The following SLAIN2 variants were observed in gnomAD, a reference collection of about 807,000 sequenced individuals.
The protein encoded by SLAIN2 is SLAIN motif-containing protein 2.
A neutral mutation model predicts 56.6 loss-of-function variants in SLAIN2; 31 were observed. The ratio of observed to expected loss-of-function variants is 0.55; its 90% CI spans 0.41 to 0.74. The LOEUF is 0.74. Among genes scored for constraint, SLAIN2 ranks in the 30% least tolerant of loss-of-function variants. The pLI is 0.00. For missense variants in SLAIN2, 777 were observed against 754.2 expected (o/e 1.03, Z -0.35); for synonymous variants, 317 against 284.9 (o/e 1.11, Z -1.13).
At chr4:48,355,540 T>C (rs1715135274) in intron 1 of SLAIN2, among the ~76,000 whole-genome samples, 1 of 152,112 alleles carries the variant, frequency 6.6e-6, no homozygotes. Flanking sequence ...AGTTCAGGAA[T>C]CCTCACATAC....
At chr4:48,363,794 G>A (rs1374190111) in intron 1 of SLAIN2, among the ~76,000 whole-genome samples, 2 of 138,870 alleles carry the variant, frequency 1.4e-5, no homozygotes, top group African/African-American at 2.6e-5. Flanking sequence ...CCGGGTGGGG[G>A]GGCTGACCCC....
At chr4:48,402,200 A>AT (rs34736334) in intron 6 of SLAIN2, among the ~76,000 whole-genome samples, 75,867 of 144,706 alleles carry the variant, frequency 0.52, 20,582 homozygotes, top group South Asian at 0.69. Flanking sequence ...GCTGCCCTTA[A>AT]TTTTTTTTTT....
intron 1 of SLAIN2, among the ~76,000 whole-genome samples, chr4:48,363,897 G>T (rs1272739172): frequency 8.2e-6 from 1 of 122,456 alleles, no homozygotes; most frequent in African/African-American, 3.1e-5. Flanking sequence ...CTCACCTCCC[G>T]GACGGCACGG....
Position 48,370,119 on chromosome 4 carries a change from A to G in SLAIN2, c.538+122A>G, listed in dbSNP as rs938928873. The stretch of plus-strand genomic sequence containing the variant: ...GAGCATTTTTCAAATCTCATTGTTC[A>G]TATCATCATGAGAGTTTTTCCCATG... On this transcript the variant is annotated intron_variant, in intron 2 of 7. Coordinates refer to ENST00000264313, the MANE Select transcript of SLAIN2 (RefSeq NM_020846.2). 16 of 950,326 alleles carry G rather than the reference A, an allele frequency of 1.7e-5. No homozygotes were observed. The African/African-American group carries it at 2.3e-4, about 14-fold the overall frequency. The allele number at this position is 950,326 out of a possible 1,614,324, so 58.9% of individuals were successfully genotyped here. A position where few individuals can be genotyped will look rare whatever the true frequency, so the allele number is the denominator to read the frequency against.
At chr4:48,367,690 T>G (rs1032728915) in intron 1 of SLAIN2, among the ~76,000 whole-genome samples, 5 of 152,200 alleles carry the variant, frequency 3.3e-5, no homozygotes, top group African/African-American at 1.2e-4. Flanking sequence ...TCATTTAGTT[T>G]GTAGTAGTTT....
chr4:48,377,811 A>C lies in SLAIN2; in HGVS notation c.539-85A>C, dbSNP rs1353253785. ...TTCATTTAAATTGAGATAATGATTT[A>C]GTTTTCTAATAGGAAAACTTCAGAA... On this transcript the variant is annotated intron_variant, in intron 2 of 7. Coordinates refer to ENST00000264313, the MANE Select transcript of SLAIN2 (RefSeq NM_020846.2). The C allele has an allele frequency of 2.4e-6, 3 of 1,239,996 alleles. No individual in the cohort carries two copies. In the East Asian group the frequency reaches 7.3e-5, roughly 30 times the overall value. 76.8% of individuals were successfully genotyped at this position (1,239,996 alleles called of 1,614,324 possible). A position where few individuals can be genotyped will look rare whatever the true frequency, so the allele number is the denominator to read the frequency against.
intron 6 of SLAIN2, among the ~76,000 whole-genome samples, chr4:48,419,830 A>G (rs1717099996): frequency 6.6e-6 from 1 of 152,186 alleles, no homozygotes; most frequent in African/African-American, 2.4e-5. Flanking sequence ...ATTAGTTGCT[A>G]CTGTGAGACA....
intron 6 of SLAIN2, among the ~76,000 whole-genome samples, chr4:48,386,118 A>T (rs546518038): frequency 1.3e-5 from 2 of 151,754 alleles, no homozygotes; most frequent in East Asian, 3.9e-4. Flanking sequence ...AAGCTACGAA[A>T]AAACTATATT....
At chr4:48,350,949 A>T (rs1358988956) in intron 1 of SLAIN2, among the ~76,000 whole-genome samples, 1 of 152,242 alleles carries the variant, frequency 6.6e-6, no homozygotes, top group Non-Finnish European at 1.5e-5. Flanking sequence ...GTATTTGGAA[A>T]GATAAGACAA....
intron 3 of SLAIN2, among the ~76,000 whole-genome samples, chr4:48,378,294 T>A (rs966364072): frequency 1.3e-5 from 2 of 152,200 alleles, no homozygotes; most frequent in African/African-American, 4.8e-5. Context: ...TACCTAAAAG[T>A]TTGTAAGTCT....
intron 6 of SLAIN2, among the ~76,000 whole-genome samples, chr4:48,390,926 A>G (rs1433232298): frequency 6.6e-6 from 1 of 152,208 alleles, no homozygotes; most frequent in African/African-American, 2.4e-5. Flanking sequence ...CACAGAGAAA[A>G]TCTTCAGCAT....
chr4:48,394,719 G>A, intron 6 of SLAIN2: 1 of 1,309,320 alleles, frequency 7.6e-7, no homozygotes, highest in South Asian at 1.3e-5. Context: ...TAAGCCATTT[G>A]GCATACTGAG....
intron 1 of SLAIN2, among the ~76,000 whole-genome samples, chr4:48,364,145 C>A (rs1472515248): frequency 8.6e-5 from 5 of 58,330 alleles, no homozygotes; most frequent in African/African-American, 3.3e-4. Context: ...CAGAGGGTCT[C>A]CTCACTTCTC....
chr4:48,361,202 C>T (rs542775567), intron 1 of SLAIN2, among the ~76,000 whole-genome samples: 1 of 152,038 alleles, frequency 6.6e-6, no homozygotes, highest in Non-Finnish European at 1.5e-5. Context: ...TAAGCTGATA[C>T]CCAATAGAAA....
At chr4:48,369,753 C>A in intron 1 of SLAIN2, 96 bp from the exon 2 acceptor site, 1 of 1,089,806 alleles carries the variant, frequency 9.2e-7, no homozygotes, top group Non-Finnish European at 1.3e-6. Flanking sequence ...GACTTTTACT[C>A]CCTTCTCCCC....
rs35913175 is a variant in SLAIN2 at position 48,372,051 on chromosome 4, C to CATAT, written c.538+2064_538+2067dup. Among the ~76,000 whole-genome samples, 5 of 147,658 alleles carry CATAT rather than the reference C, an allele frequency of 3.4e-5. No homozygotes were observed. In the East Asian group the frequency reaches 9.7e-4, roughly 29 times the overall value. On this transcript the variant is annotated intron_variant, in intron 2 of 7. Coordinates refer to ENST00000264313, the MANE Select transcript of SLAIN2 (RefSeq NM_020846.2). ...ACATATATATACATATACATATATA[C>CATAT]ATATATATATATACACACACACACA...
chr4:48,342,172 G>C lies in SLAIN2; in HGVS notation c.389+44G>C. 2 of 1,328,728 alleles carry C rather than the reference G, an allele frequency of 1.5e-6. 1 individual carries two copies. Among genetic ancestry groups the C allele is most frequent in the Non-Finnish European group, 1.9e-6 (2 of 1,044,234 alleles). The allele number at this position is 1,328,728 out of a possible 1,614,324, so 82.3% of individuals were successfully genotyped here. On this transcript the variant is annotated intron_variant, in intron 1 of 7. Coordinates refer to ENST00000264313, the MANE Select transcript of SLAIN2 (RefSeq NM_020846.2). ...GCAGGAGCTGGGCGGGGACGGGCCC[G>C]GGGGCGGAGAGCGTCCTCTGAGGGT...
chr4:48,383,618 A>G (rs1560458706), intron 5 of SLAIN2, 29 bp from the exon 6 acceptor site: 4 of 1,476,280 alleles, frequency 2.7e-6, no homozygotes. Flanking sequence ...AAAGAATATG[A>G]TTTTTTTAAA....
At chr4:48,398,531 T>A (rs1215513844) in intron 6 of SLAIN2, among the ~76,000 whole-genome samples, 1 of 152,262 alleles carries the variant, frequency 6.6e-6, no homozygotes, top group Non-Finnish European at 1.5e-5. Context: ...TTGCGTTTGT[T>A]GCAATTGCTT....
Sources: allele counts gnomAD v4.1 joint callset (sites outside exome capture counted in the v4.1 genomes callset), GRCh38; gene constraint gnomAD v4.1.1; transcripts MANE v1.5; gene names NCBI Gene and HGNC (gene_info 2026-07-23, HGNC 2026-07-21).